GUCY1A2: variants seen among roughly 807,000 people sequenced by gnomAD.
GUCY1A2 encodes the protein guanylate cyclase 1 soluble subunit alpha 2, also known as guanylate cyclase soluble subunit alpha-2.
GUCY1A2 carries 27 observed loss-of-function variants against 63.5 expected under a neutral mutation model. The observed-to-expected ratio is 0.43, with a 90% CI of 0.31 to 0.59. GUCY1A2 has a LOEUF of 0.59. Among genes scored for constraint, GUCY1A2 ranks in the 20% least tolerant of loss-of-function variants. The pLI is 0.11. For synonymous variants in GUCY1A2, 364 were observed against 343.5 expected (o/e 1.06, Z -0.66); for missense variants, 768 against 913.3 (o/e 0.84, Z 2.05).
intron 4 of GUCY1A2, among the ~76,000 whole-genome samples, chr11:106,870,187 T>C (rs1171127275): frequency 1.3e-5 from 2 of 151,796 alleles, no homozygotes; most frequent in Non-Finnish European, 2.9e-5. Context: ...CACACCAACA[T>C]GGCACATGTA....
chr11:106,829,325 C>T (rs75051536), intron 4 of GUCY1A2, among the ~76,000 whole-genome samples: 10,653 of 152,156 alleles, frequency 0.07, 825 homozygotes, highest in African/African-American at 0.19. Flanking sequence ...TGGGGCCTGT[C>T]TCACTCAGTA....
chr11:106,729,653 C>A lies in GUCY1A2; in HGVS notation c.1837-20987G>T, dbSNP rs144498507. On this transcript the variant is annotated intron_variant, in intron 6 of 7. Transcript: ENST00000526355. ...AATATCAGCACAGCAAAAAATGATTCCCTCAATGACAAAATAGCTGTTTTT... is the reference window on the plus strand; with the variant it reads ...AATATCAGCACAGCAAAAAATGATTACCTCAATGACAAAATAGCTGTTTTT... 3.3e-5 allele frequency among the ~76,000 whole-genome samples: 5 copies of A among 152,070 alleles called. No homozygotes were observed. The East Asian group carries it at 9.7e-4, about 30-fold the overall frequency.
intron 6 of GUCY1A2, among the ~76,000 whole-genome samples, chr11:106,744,303 G>T (rs1436448323): frequency 2.1e-5 from 3 of 141,820 alleles, no homozygotes; most frequent in Non-Finnish European, 4.5e-5. Context: ...CTGGAGTGCA[G>T]TGGTGCAATC....
chr11:106,824,010 C>T (rs1232960158), intron 4 of GUCY1A2: 29 of 1,211,946 alleles, frequency 2.4e-5, no homozygotes, highest in East Asian at 1.6e-4. Context: ...ATTTGTTTTC[C>T]GTGATTCCTT....
chr11:107,005,309 T>G (rs1196183570), intron 1 of GUCY1A2, among the ~76,000 whole-genome samples: 1 of 152,222 alleles, frequency 6.6e-6, no homozygotes, highest in Non-Finnish European at 1.5e-5. Flanking sequence ...AACTTCTCAC[T>G]GTCACCCAAG....
chr11:106,780,637 A>G (rs193095746), intron 5 of GUCY1A2, among the ~76,000 whole-genome samples: 224 of 152,318 alleles, frequency 1.5e-3, no homozygotes, highest in African/African-American at 5.1e-3. Flanking sequence ...TGATTCATTG[A>G]CCAGAGCAAG....
Position 106,683,962 on chromosome 11 carries a change from T to G in GUCY1A2, c.*3587A>C. 1 of 199,132 alleles carries G rather than the reference T, an allele frequency of 5.0e-6. No homozygotes were observed. Among genetic ancestry groups the G allele is most frequent in the Non-Finnish European group, 1.0e-5 (1 of 96,244 alleles). 12.3% of individuals were successfully genotyped at this position (199,132 alleles called of 1,614,324 possible). On this transcript the variant is annotated 3_prime_UTR_variant, in exon 8 of 8. Coordinates refer to ENST00000526355, the MANE Select transcript of GUCY1A2 (RefSeq NM_000855.3). ...CCATGGCTTTGCCTTTTGTTATCTA[T>G]CAATTTAATTTTGCTTTATTGCTGG...
intron 4 of GUCY1A2, among the ~76,000 whole-genome samples, chr11:106,870,820 G>A (rs1393342377): frequency 2.0e-5 from 3 of 152,074 alleles, no homozygotes; most frequent in African/African-American, 7.2e-5. Context: ...ATTAATTGAT[G>A]TATGTGGTTT....
chr11:106,728,055 T>A (rs1203050544), intron 6 of GUCY1A2, among the ~76,000 whole-genome samples: 3 of 152,192 alleles, frequency 2.0e-5, no homozygotes, highest in East Asian at 3.9e-4. Context: ...CTCGTAAATG[T>A]CCCATTTCAT....
At chr11:106,714,901 T>C (rs1231423250) in intron 6 of GUCY1A2, among the ~76,000 whole-genome samples, 2 of 152,106 alleles carry the variant, frequency 1.3e-5, no homozygotes, top group South Asian at 4.1e-4. Flanking sequence ...TTAATCTTGG[T>C]AAACGAGGAT....
At chr11:106,958,623 A>AG (rs397970941) in intron 3 of GUCY1A2, among the ~76,000 whole-genome samples, 1 of 138,690 alleles carries the variant, frequency 7.2e-6, no homozygotes, top group Non-Finnish European at 1.6e-5. Flanking sequence ...AAAAAAAAAA[A>AG]GGGTACACTA....
At chr11:106,908,724 A>T (rs1860249313) in intron 4 of GUCY1A2, among the ~76,000 whole-genome samples, 1 of 152,102 alleles carries the variant, frequency 6.6e-6, no homozygotes, top group Non-Finnish European at 1.5e-5. Flanking sequence ...AGCATAACTT[A>T]TTGACCAAGA....
At chr11:106,901,767 G>A (rs1860137242) in intron 4 of GUCY1A2, among the ~76,000 whole-genome samples, 1 of 151,848 alleles carries the variant, frequency 6.6e-6, no homozygotes, top group Admixed American at 6.6e-5. Flanking sequence ...ATAGTTTGCT[G>A]TGAATGATGG....
chr11:106,827,923 G>C, intron 4 of GUCY1A2: 1 of 1,316,778 alleles, frequency 7.6e-7, no homozygotes, highest in East Asian at 2.3e-5. Context: ...ACTGAATATC[G>C]CGGCGGAACA....
chr11:106,752,663 A>C (rs939329054), intron 6 of GUCY1A2, among the ~76,000 whole-genome samples: 1 of 152,098 alleles, frequency 6.6e-6, no homozygotes, highest in Non-Finnish European at 1.5e-5. Context: ...TTCCAGCTTC[A>C]TCCATGTCCC....
At chr11:106,872,918 C>G (rs1462653051) in intron 4 of GUCY1A2, among the ~76,000 whole-genome samples, 1 of 152,290 alleles carries the variant, frequency 6.6e-6, no homozygotes, top group South Asian at 2.1e-4. Context: ...GTTCCCTCCC[C>G]TCGCCTCCCA....
intron 6 of GUCY1A2, among the ~76,000 whole-genome samples, chr11:106,722,109 C>T (rs546356797): frequency 1.2e-4 from 19 of 152,118 alleles, no homozygotes; most frequent in African/African-American, 4.3e-4. Flanking sequence ...AAATGCTATG[C>T]CAGGCACAAA....
intron 5 of GUCY1A2, among the ~76,000 whole-genome samples, chr11:106,799,674 A>T (rs2135417850): frequency 6.6e-6 from 1 of 152,334 alleles, no homozygotes; most frequent in Middle Eastern, 3.4e-3. Context: ...GTGCTGGGAA[A>T]ACTGGCTAGC....
chr11:106,709,393 A>T (rs1310296780), intron 6 of GUCY1A2, among the ~76,000 whole-genome samples: 1 of 99,250 alleles, frequency 1.0e-5, no homozygotes, highest in African/African-American at 4.2e-5. Flanking sequence ...TATATATTAT[A>T]TAAATTATAT....
Sources: gnomAD v4.1 joint callset for allele counts (sites outside exome capture counted in the v4.1 genomes callset) on GRCh38, gnomAD v4.1.1 for gene constraint, MANE v1.5 for transcripts, NCBI Gene and HGNC (gene_info 2026-07-23, HGNC 2026-07-21) for gene names.